Variants in RARS2 observed in about 807,000 individuals in gnomAD.
RARS2 encodes probable arginine--tRNA ligase, mitochondrial.
Under a neutral mutation model 88.5 loss-of-function variants are expected in RARS2, and 67 were observed. The ratio of observed to expected loss-of-function variants is 0.76; its 90% CI spans 0.62 to 0.93. The LOEUF (loss-of-function observed/expected upper bound fraction) is 0.93. Among genes scored for constraint, RARS2 ranks in the 40% least tolerant of loss-of-function variants. RARS2 has a pLI of 0.00. For missense variants in RARS2, 664 were observed against 684.2 expected, an observed-to-expected ratio of 0.97 and a Z score of 0.33; for synonymous variants, 239 against 230.3, an observed-to-expected ratio of 1.04 and a Z score of -0.34.
At chr6:87,586,520 T>C (rs1582919313) in intron 1 of RARS2, among the ~76,000 whole-genome samples, 1 of 152,230 alleles carries the variant, frequency 6.6e-6, no homozygotes, top group African/African-American at 2.4e-5. Flanking sequence ...CACATGCTTC[T>C]AATACAGTGA....
At chr6:87,529,000 T>A (rs1396051961) in intron 10 of RARS2, among the ~76,000 whole-genome samples, 2 of 152,148 alleles carry the variant, frequency 1.3e-5, no homozygotes, top group Non-Finnish European at 2.9e-5. Context: ...CATTCATCAA[T>A]TACAACTTTT....
At chr6:87,568,982 A>G (rs1199716248) in intron 2 of RARS2, among the ~76,000 whole-genome samples, 1 of 152,196 alleles carries the variant, frequency 6.6e-6, no homozygotes, top group Non-Finnish European at 1.5e-5. Flanking sequence ...GACCAAACTC[A>G]CAAAGAGATA....
chr6:87,527,083 G>T (rs1272978830), intron 10 of RARS2, among the ~76,000 whole-genome samples: 2 of 151,948 alleles, frequency 1.3e-5, no homozygotes, highest in Admixed American at 6.6e-5. Context: ...GGCCAAAGCG[G>T]GTAGATCAGG....
intron 1 of RARS2, among the ~76,000 whole-genome samples, chr6:87,580,072 C>T (rs929065432): frequency 4.2e-4 from 64 of 152,252 alleles, no homozygotes; most frequent in African/African-American, 1.5e-3. Flanking sequence ...TGTATTCTCA[C>T]AGGTTTAGAA....
At chr6:87,531,631 A>G (rs778376044) in intron 8 of RARS2, among the ~76,000 whole-genome samples, 1 of 152,188 alleles carries the variant, frequency 6.6e-6, no homozygotes, top group Non-Finnish European at 1.5e-5. Flanking sequence ...TTTATTTTGC[A>G]TCACCTGTCT....
chr6:87,563,211 T>TC (rs1788408541), intron 3 of RARS2, among the ~76,000 whole-genome samples: 1 of 152,244 alleles, frequency 6.6e-6, no homozygotes, highest in Non-Finnish European at 1.5e-5. Context: ...TTAGATAGTC[T>TC]GTCTTCTATG....
intron 1 of RARS2, among the ~76,000 whole-genome samples, chr6:87,581,723 T>C (rs1582878556): frequency 6.6e-6 from 1 of 152,138 alleles, no homozygotes; most frequent in African/African-American, 2.4e-5. Flanking sequence ...ACCACAAGCA[T>C]TAGCTATTTT....
chr6:87,588,603 G>A lies in RARS2; in HGVS notation c.36+1319C>T, dbSNP rs116161182. ...TTGTCCACGCTGGTCTCGAACTCCT[G>A]GGCTCAAGCCATCCTCCCACCTTGG... On this transcript the variant is annotated intron_variant, in intron 1 of 19. Coordinates refer to ENST00000369536, the MANE Select transcript of RARS2 (RefSeq NM_020320.5). 2.7e-3 allele frequency among the ~76,000 whole-genome samples: 409 copies of A among 152,174 alleles called. 2 individuals are homozygous for A. Among genetic ancestry groups the A allele is most frequent in the African/African-American group, 9.5e-3 (394 of 41,500 alleles).
At chr6:87,577,273 C>T (rs1771856855) in intron 1 of RARS2, among the ~76,000 whole-genome samples, 1 of 152,162 alleles carries the variant, frequency 6.6e-6, no homozygotes, top group African/African-American at 2.4e-5. Flanking sequence ...CTCACTGCAG[C>T]CTCCAACTCC....
intron 4 of RARS2, among the ~76,000 whole-genome samples, chr6:87,556,155 G>C (rs1303366415): frequency 6.6e-6 from 1 of 152,120 alleles, no homozygotes; most frequent in Non-Finnish European, 1.5e-5. Context: ...AAATCCCACA[G>C]AAACTTCCCA....
chr6:87,540,177 C>T (rs1229059614), intron 8 of RARS2, among the ~76,000 whole-genome samples: 2 of 151,720 alleles, frequency 1.3e-5, no homozygotes, highest in African/African-American at 4.8e-5. Context: ...GGGCTAGGTG[C>T]GGTGGCTAAC....
At chr6:87,549,920 T>C (rs1056248554) in intron 5 of RARS2, among the ~76,000 whole-genome samples, 72 of 152,344 alleles carry the variant, frequency 4.7e-4, no homozygotes, top group African/African-American at 1.7e-3. Context: ...TTGTGCATGT[T>C]TGAAAATCTC....
intron 1 of RARS2, among the ~76,000 whole-genome samples, chr6:87,571,163 T>C (rs991659376): frequency 7.9e-6 from 1 of 126,152 alleles, no homozygotes; most frequent in Non-Finnish European, 1.7e-5. Flanking sequence ...AACTGAATCA[T>C]GGGGTGGTTT....
rs757932711 is a variant in RARS2 at position 87,516,870 on chromosome 6, C to T, written c.1522G>A (p.Val508Met). Residue 508 changes from valine to methionine, a missense_variant, in exon 18 of 20, where the codon GTG becomes ATG. Transcript: ENST00000369536. Reference protein sequence around the residue: ...ILQHLLRFDEVLYKSSQDFQP... With the variant: ...ILQHLLRFDEMLYKSSQDFQP... ...AAGTCCTGAGATGATTTATAAAGCA[C>T]CTCGTCGAACCTAAAAGATGACAGG... 3.1e-6 allele frequency: 5 copies of T among 1,613,724 alleles called. No homozygotes were observed. In the South Asian group the frequency reaches 5.5e-5, roughly 18 times the overall value.
chr6:87,528,693 A>G (rs1776525416), intron 10 of RARS2, among the ~76,000 whole-genome samples: 1 of 152,232 alleles, frequency 6.6e-6, no homozygotes, highest in African/African-American at 2.4e-5. Flanking sequence ...TTATAATCAT[A>G]GAAGCAGAGA....
At chr6:87,553,504 C>T (rs1464537016) in intron 5 of RARS2, among the ~76,000 whole-genome samples, 1 of 152,202 alleles carries the variant, frequency 6.6e-6, no homozygotes, top group Non-Finnish European at 1.5e-5. Flanking sequence ...TTCAACTCAG[C>T]TCTACTGTGT....
At chr6:87,577,775 G>C (rs769201023) in intron 1 of RARS2, among the ~76,000 whole-genome samples, 1 of 152,172 alleles carries the variant, frequency 6.6e-6, no homozygotes, top group Non-Finnish European at 1.5e-5. Context: ...ATTTGTGAGA[G>C]TGCCAATGTC....
chr6:87,514,847 C>CTG (rs1771016348), intron 19 of RARS2, 110 bp downstream of exon 19: 1 of 882,188 alleles, frequency 1.1e-6, no homozygotes, highest in African/African-American at 1.7e-5. Flanking sequence ...AGGAAGTATA[C>CTG]TGCTACAGTT....
chr6:87,583,001 G>C (rs1774073188), intron 1 of RARS2, among the ~76,000 whole-genome samples: 1 of 152,190 alleles, frequency 6.6e-6, no homozygotes. Context: ...AATATGGACT[G>C]TAAGTTAAAG....
Sources: allele counts gnomAD v4.1 joint callset (sites outside exome capture counted in the v4.1 genomes callset), GRCh38; gene constraint gnomAD v4.1.1; transcripts MANE v1.5; gene names NCBI Gene and HGNC (gene_info 2026-07-23, HGNC 2026-07-21).